The following EXTL2 variants were observed in gnomAD, a reference collection of about 807,000 sequenced individuals.
EXTL2 encodes the protein exostosin-like 2.
Under a neutral mutation model 30.7 loss-of-function variants are expected in EXTL2, and 23 were observed. That is an observed-to-expected ratio of 0.75 (90% CI 0.54 to 1.06). The LOEUF is 1.06. Ranked by LOEUF, EXTL2 falls within the 50% of genes least tolerant of loss-of-function variation. The pLI is 0.00. For missense variants in EXTL2, 352 were observed against 396.3 expected (o/e 0.89, Z 0.95); for synonymous variants, 123 against 133.8 (o/e 0.92, Z 0.56).
chr1:100,877,560 G>T lies in EXTL2; in HGVS notation c.349C>A (p.His117Asn). 1.2e-6 allele frequency: 2 copies of T among 1,613,368 alleles called. No homozygotes were observed. The highest frequency in any genetic ancestry group is 8.5e-7 in the Non-Finnish European group (1 of 1,179,564). ...PDELWNSLGP[H>N]PIPVIFKQQT... is the part of the protein sequence containing the mutation. ...TGTTTGAAGATCACAGGGATAGGGTGGGGCCCTAGAGAATTCCATAATTCA... is the reference window on the plus strand; with the variant it reads ...TGTTTGAAGATCACAGGGATAGGGTTGGGCCCTAGAGAATTCCATAATTCA... The change falls in exon 3 of 5, where the codon CAC (histidine) becomes AAC (asparagine). Residue 117 changes from histidine (H) to asparagine (N), a missense_variant. By Grantham distance (68) the His-to-Asn change is moderately conservative. Coordinates refer to ENST00000370114, the MANE Select transcript of EXTL2 (RefSeq NM_001033025.3). This position sits in a 1 kb window ranked among gnomAD's most constrained non-coding sequence, Gnocchi z 4.1.
chr1:100,878,418 A>G lies in EXTL2; in HGVS notation c.6-515T>C, dbSNP rs562342166. On this transcript the variant is annotated intron_variant, in intron 2 of 4. Coordinates refer to ENST00000370114, the MANE Select transcript of EXTL2 (RefSeq NM_001033025.3). ...CTCATTCAACAGATAGTTCCTGAGC[A>G]CTTACTTTGTGCCACCACTGTTCCA... 8.5e-6 allele frequency: 4 copies of G among 471,032 alleles called. No homozygotes were observed. In the East Asian group the frequency reaches 2.1e-4, roughly 25 times the overall value. 29.2% of individuals were successfully genotyped at this position (471,032 alleles called of 1,614,324 possible).
intron 2 of EXTL2, among the ~76,000 whole-genome samples, chr1:100,883,568 G>A (rs994487840): frequency 7.2e-5 from 11 of 152,132 alleles, no homozygotes; most frequent in Admixed American, 7.2e-4. Context: ...ATATCATGAG[G>A]TATATATCAG....
At chr1:100,894,030 A>G (rs1650640164) in intron 1 of EXTL2, among the ~76,000 whole-genome samples, 1 of 152,220 alleles carries the variant, frequency 6.6e-6, no homozygotes, top group African/African-American at 2.4e-5. Context: ...TTGTAGCAAT[A>G]CAGTATAAAA....
chr1:100,880,950 G>A, intron 2 of EXTL2: 1 of 966,554 alleles, frequency 1.0e-6, no homozygotes, highest in African/African-American at 1.8e-5. Flanking sequence ...AGACACTCAT[G>A]AGTGACTGCT....
In EXTL2 at chr1:100,877,543, G is replaced by T; in HGVS notation, c.366C>A (p.Ile122=). The T allele has an allele frequency of 6.2e-7, 1 of 1,612,984 alleles. No homozygotes were observed. The highest frequency in any genetic ancestry group is 8.5e-7 in the Non-Finnish European group (1 of 1,179,410). ...NSLGPHPIPV[I]FKQQTANRMR... is the part of the protein sequence containing the mutation. ...TCCTGTTTGCTGTCTGTTGTTTGAA[G>T]ATCACAGGGATAGGGTGGGGCCCTA... Residue 122 remains isoleucine, a synonymous_variant, in exon 3 of 5, where the codon ATC becomes ATA. Coordinates refer to ENST00000370114, the MANE Select transcript of EXTL2 (RefSeq NM_001033025.3). This position sits in a 1 kb window ranked among gnomAD's most constrained non-coding sequence, Gnocchi z 4.1.
intron 2 of EXTL2, among the ~76,000 whole-genome samples, chr1:100,880,314 A>C (rs774990909): frequency 2.6e-5 from 4 of 152,168 alleles, no homozygotes; most frequent in Non-Finnish European, 5.9e-5. Context: ...ACTTTTCAAC[A>C]GTCCAGATTT....
chr1:100,874,567 T>C (rs954789406), intron 4 of EXTL2, 137 bp from the exon 5 acceptor site: 24 of 744,152 alleles, frequency 3.2e-5, no homozygotes, highest in Admixed American at 5.3e-5. Context: ...CATTTCAGTT[T>C]TATCTAGCTC....
intron 4 of EXTL2, among the ~76,000 whole-genome samples, chr1:100,875,527 A>G (rs3737581): frequency 0.65 from 99,068 of 151,628 alleles, 32,954 homozygotes; most frequent in Middle Eastern, 0.79. Context: ...AAATTTCACA[A>G]TTGGCTAGAG....
chr1:100,885,683 G>A (rs188086780), intron 2 of EXTL2: 5 of 152,260 alleles, frequency 3.3e-5, no homozygotes, highest in Admixed American at 1.3e-4. Context: ...TTCTTCACAA[G>A]TCTTTTCCAG....
Position 100,874,293 on chromosome 1 carries a change from T to G in EXTL2, c.642A>C (p.Gly214=), listed in dbSNP as rs1289693108. The G allele has an allele frequency of 6.2e-7, 1 of 1,613,032 alleles. No individual in the cohort carries two copies. ...NGDQYSMVLI[G]ASFFNSKYLE... is the part of the protein sequence containing the mutation. ...GATATTTGCTATTGAAGAATGAGGC[T>G]CCAATCAGCACCATAGAGTACTGGT... The change falls in exon 5 of 5, where the codon GGA becomes GGC. Residue 214 remains glycine (G), a synonymous_variant. Coordinates refer to ENST00000370114, the MANE Select transcript of EXTL2 (RefSeq NM_001033025.3).
chr1:100,878,917 G>A (rs752337404), intron 2 of EXTL2, among the ~76,000 whole-genome samples: 3 of 151,830 alleles, frequency 2.0e-5, no homozygotes, highest in African/African-American at 7.3e-5. Flanking sequence ...TCCACAACTC[G>A]ATCTCTCACA....
At chr1:100,875,087 T>C (rs1648995656) in intron 4 of EXTL2, among the ~76,000 whole-genome samples, 1 of 152,004 alleles carries the variant, frequency 6.6e-6, no homozygotes, top group South Asian at 2.1e-4. Flanking sequence ...TAGATGAGCA[T>C]GACTAAAAAT....
intron 1 of EXTL2, among the ~76,000 whole-genome samples, chr1:100,891,752 G>T (rs1650440073): frequency 6.6e-6 from 1 of 152,196 alleles, no homozygotes; most frequent in African/African-American, 2.4e-5. Context: ...ATGACCTCTG[G>T]AATAATGGCT....
rs1648859074 is a variant in EXTL2 at position 100,873,664 on chromosome 1, C to T, written c.*278G>A. 4.0e-6 allele frequency: 1 copy of T among 252,966 alleles called. No individual in the cohort carries two copies. Among genetic ancestry groups the T allele is most frequent in the Admixed American group, 4.9e-5 (1 of 20,278 alleles). The allele number at this position is 252,966 out of a possible 1,614,324, so 15.7% of individuals were successfully genotyped here. On this transcript the variant is annotated 3_prime_UTR_variant, in exon 5 of 5. Coordinates refer to ENST00000370114, the MANE Select transcript of EXTL2 (RefSeq NM_001033025.3). ...AGGCAAATGCCAGGAGTCAAAGAAA[C>T]TGTAGAACAGTCTCAGGATGTAAAC...
chr1:100,874,016 T>C lies in EXTL2; in HGVS notation c.919A>G (p.Met307Val), dbSNP rs1323427743. ...ATAATGTTGGAGTATCTTAAGGGCATGCTATCATAGATATTAACAAGCTTA... is the reference window on the plus strand; with the variant it reads ...ATAATGTTGGAGTATCTTAAGGGCACGCTATCATAGATATTAACAAGCTTA... ...INKLVNIYDS[M>V]PLRYSNIMIS... The change falls in exon 5 of 5, where the codon ATG (methionine) becomes GTG (valine). Residue 307 changes from methionine (M) to valine (V), a missense_variant. Physicochemically the swap from Met to Val is conservative, Grantham distance 21. Coordinates refer to ENST00000370114, the MANE Select transcript of EXTL2 (RefSeq NM_001033025.3). The C allele has an allele frequency of 1.2e-6, 2 of 1,612,482 alleles. No individual in the cohort carries two copies. The highest frequency in any genetic ancestry group is 1.7e-6 in the Non-Finnish European group (2 of 1,179,258).
Position 100,888,783 on chromosome 1 carries a change from A to G in EXTL2, c.-26T>C. On this transcript the variant is annotated 5_prime_UTR_variant, in exon 2 of 5. Transcript: ENST00000370114. ...TGTGTTGAAGTTTAATTTTTAAAAAATCTCCTTATAGCTTCAGTAATTGAC... is the reference window on the plus strand; with the variant it reads ...TGTGTTGAAGTTTAATTTTTAAAAAGTCTCCTTATAGCTTCAGTAATTGAC... 4 of 1,563,932 alleles carry G rather than the reference A, an allele frequency of 2.6e-6. No individual in the cohort carries two copies. Among genetic ancestry groups the G allele is most frequent in the Non-Finnish European group, 3.5e-6 (4 of 1,143,792 alleles).
intron 2 of EXTL2, among the ~76,000 whole-genome samples, chr1:100,885,416 G>A (rs766672735): frequency 2.6e-5 from 4 of 152,050 alleles, no homozygotes; most frequent in African/African-American, 4.8e-5. Flanking sequence ...AATCCGGCAC[G>A]CAGCATACAT....
chr1:100,888,820 C>G lies in EXTL2; in HGVS notation c.-63G>C, dbSNP rs376269400. 6.8e-6 allele frequency: 9 copies of G among 1,316,316 alleles called. No individual in the cohort carries two copies. The African/African-American group carries it at 1.3e-4, about 19-fold the overall frequency. The allele number at this position is 1,316,316 out of a possible 1,614,324, so 81.5% of individuals were successfully genotyped here. ...CTTCAGTAATTGACAGAAGCAGGCT[C>G]ACTTGTCACTATTAAGATAAATCAA... On this transcript the variant is annotated 5_prime_UTR_variant, in exon 2 of 5. Coordinates refer to ENST00000370114, the MANE Select transcript of EXTL2 (RefSeq NM_001033025.3).
chr1:100,874,508 C>T, intron 4 of EXTL2, 78 bp from the exon 5 acceptor site: 1 of 1,176,546 alleles, frequency 8.5e-7, no homozygotes, highest in Admixed American at 2.3e-5. Flanking sequence ...TGATTTATTA[C>T]AGAGAGAATG....
Sources: gnomAD v4.1 joint callset for allele counts (sites outside exome capture counted in the v4.1 genomes callset) on GRCh38, gnomAD v4.1.1 for gene constraint, Gnocchi (gnomAD v3.1) non-coding constraint, MANE v1.5 for transcripts, NCBI Gene and HGNC (gene_info 2026-07-23, HGNC 2026-07-21) for gene names.